ZC3HC1: variants seen among roughly 807,000 people sequenced by gnomAD.
ZC3HC1 encodes the protein zinc finger C3HC-type protein 1.
A neutral mutation model predicts 61.9 loss-of-function variants in ZC3HC1; 38 were observed. That is an observed-to-expected ratio of 0.61 (90% CI 0.47 to 0.81). The LOEUF is 0.81. Among genes scored for constraint, ZC3HC1 ranks in the 30% least tolerant of loss-of-function variants. The pLI is 0.00. For synonymous variants in ZC3HC1, 213 were observed against 229.9 expected, an observed-to-expected ratio of 0.93 and a Z score of 0.67; for missense variants, 554 against 622.7, an observed-to-expected ratio of 0.89 and a Z score of 1.17.
chr7:130,026,101 T>C (rs112312542), intron 6 of ZC3HC1, 57 bp downstream of exon 6: 1 of 1,547,250 alleles, frequency 6.5e-7, no homozygotes, highest in South Asian at 1.2e-5. Flanking sequence ...GACTGATATA[T>C]ATGGGTGTAA....
intron 2 of ZC3HC1, among the ~76,000 whole-genome samples, chr7:130,048,278 T>C (rs1032050191): frequency 6.6e-6 from 1 of 151,470 alleles, no homozygotes; most frequent in Non-Finnish European, 1.5e-5. Flanking sequence ...GACTCCTGAG[T>C]AGCTGGGATT....
rs1409339819 is a variant in ZC3HC1 at position 130,039,466 on chromosome 7, G to T, written c.491C>A (p.Pro164Gln). The T allele has an allele frequency of 6.2e-7, 1 of 1,610,800 alleles. No homozygotes were observed. The highest frequency in any genetic ancestry group is 1.7e-5 in the Admixed American group (1 of 59,212). Residue 164 changes from proline (P) to glutamine (Q), a missense_variant and splice_region_variant, in exon 4 of 10, where the codon CCA becomes CAA. Coordinates refer to ENST00000358303, the MANE Select transcript of ZC3HC1 (RefSeq NM_016478.5). Reference sequence around the variant, plus strand: ...CAGGAATTCTCAAAAATAAGTACCTGGGGATGGGCTGTCTGGCCAGAAACA... The same window carrying T: ...CAGGAATTCTCAAAAATAAGTACCTTGGGATGGGCTGTCTGGCCAGAAACA... ...KFCFWPDSPS[P>Q]DRFGMLPLDE...
chr7:130,028,741 T>C (rs796854419), intron 5 of ZC3HC1, among the ~76,000 whole-genome samples, 161 bp downstream of exon 5: 159 of 152,272 alleles, frequency 1.0e-3, no homozygotes, highest in African/African-American at 3.6e-3. Flanking sequence ...AATGGAACTC[T>C]CAACTGTCAC....
chr7:130,020,644 G>A (rs1272141480), intron 9 of ZC3HC1, among the ~76,000 whole-genome samples: 1 of 151,804 alleles, frequency 6.6e-6, no homozygotes, highest in East Asian at 1.9e-4. Context: ...CACAGCAGCT[G>A]TCAGAAGGTT....
At chr7:130,019,225 T>G (rs1377132550) in intron 9 of ZC3HC1, among the ~76,000 whole-genome samples, 4 of 152,086 alleles carry the variant, frequency 2.6e-5, no homozygotes, top group Non-Finnish European at 5.9e-5. Context: ...ATTTTTTGTA[T>G]TTTTAGTAGA....
chr7:130,051,121 C>G (rs932466340), intron 1 of ZC3HC1, 100 bp downstream of exon 1: 15 of 1,452,420 alleles, frequency 1.0e-5, no homozygotes, highest in Middle Eastern at 1.8e-4. Flanking sequence ...CCCCACTGCC[C>G]GAGTCGCCGA....
intron 4 of ZC3HC1, chr7:130,036,982 G>C (rs1163721322): frequency 1.3e-5 from 2 of 152,198 alleles, no homozygotes; most frequent in African/African-American, 4.8e-5. Flanking sequence ...ATATTAAGTG[G>C]AAATGTTTAG....
At chr7:130,043,062 G>T (rs954814814) in intron 2 of ZC3HC1, among the ~76,000 whole-genome samples, 7 of 152,130 alleles carry the variant, frequency 4.6e-5, no homozygotes, top group African/African-American at 1.4e-4. Flanking sequence ...GATCACTTGA[G>T]GTCAGGAGTT....
chr7:130,044,963 G>C (rs1018675195), intron 2 of ZC3HC1, among the ~76,000 whole-genome samples: 13 of 152,162 alleles, frequency 8.5e-5, no homozygotes, highest in African/African-American at 3.1e-4. Context: ...AGAAAAAACT[G>C]AGGAAATGTT....
intron 6 of ZC3HC1, among the ~76,000 whole-genome samples, chr7:130,025,059 C>T (rs991166315): frequency 9.3e-5 from 14 of 151,316 alleles, no homozygotes; most frequent in Admixed American, 2.0e-4. Flanking sequence ...GCACCCGCCA[C>T]CATGCCCGGC....
chr7:130,046,707 A>G (rs1794878180), intron 2 of ZC3HC1, among the ~76,000 whole-genome samples: 1 of 152,220 alleles, frequency 6.6e-6, no homozygotes, highest in African/African-American at 2.4e-5. Flanking sequence ...AAATAAACTT[A>G]TGACATAACG....
chr7:130,045,653 G>C (rs1398157581), intron 2 of ZC3HC1, among the ~76,000 whole-genome samples: 4 of 152,056 alleles, frequency 2.6e-5, no homozygotes, highest in African/African-American at 4.8e-5. Flanking sequence ...TGTAATCCCA[G>C]CACTTTGGGA....
At chr7:130,031,669 A>G (rs538986137) in intron 4 of ZC3HC1, among the ~76,000 whole-genome samples, 1 of 152,312 alleles carries the variant, frequency 6.6e-6, no homozygotes, top group South Asian at 2.1e-4. Flanking sequence ...GCTCTGACAT[A>G]TTCCCTGGAA....
At chr7:130,049,939 C>A (rs1190602299) in intron 1 of ZC3HC1, among the ~76,000 whole-genome samples, 1 of 150,220 alleles carries the variant, frequency 6.7e-6, no homozygotes, top group Non-Finnish European at 1.5e-5. Context: ...AAAAAAAGAA[C>A]CAATTAGAAA....
chr7:130,023,400 T>C lies in ZC3HC1; in HGVS notation c.1233+111A>G. 1 of 1,018,824 alleles carries C rather than the reference T, an allele frequency of 9.8e-7. No individual in the cohort carries two copies. The highest frequency in any genetic ancestry group is 1.6e-5 in the South Asian group (1 of 64,354). 63.1% of individuals were successfully genotyped at this position (1,018,824 alleles called of 1,614,324 possible). A position where few individuals can be genotyped will look rare whatever the true frequency, so the allele number is the denominator to read the frequency against. On this transcript the variant is annotated intron_variant, in intron 8 of 9. Transcript: ENST00000358303. This position sits in a 1 kb window ranked among gnomAD's most constrained non-coding sequence, Gnocchi z 4.2. ...CAACTTTAAATTTATTCACATGGTC[T>C]ACTTTTTGCATTGGACCACGGAAGG... is the stretch of plus-strand genomic sequence containing the variant.
Position 130,039,565 on chromosome 7 carries a change from A to T in ZC3HC1, c.410-18T>A. The T allele has an allele frequency of 6.3e-7, 1 of 1,598,524 alleles. No individual in the cohort carries two copies. Among genetic ancestry groups the T allele is most frequent in the Non-Finnish European group, 8.5e-7 (1 of 1,173,248 alleles). ...TTGCTTATCTGAAATCCACATAAAC[A>T]GCAACACCTTAAAAAACACTATATA... is the stretch of plus-strand genomic sequence containing the variant. On this transcript the variant is annotated intron_variant, in intron 3 of 9. Transcript: ENST00000358303.
intron 2 of ZC3HC1, among the ~76,000 whole-genome samples, chr7:130,042,497 C>G (rs1277246190): frequency 6.6e-6 from 1 of 151,974 alleles, no homozygotes; most frequent in African/African-American, 2.4e-5. Context: ...CCTACTGTAC[C>G]CCATCCATTT....
At chr7:130,038,859 C>CAAAAAAA (rs368582060) in intron 4 of ZC3HC1, among the ~76,000 whole-genome samples, 2 of 86,554 alleles carry the variant, frequency 2.3e-5, no homozygotes, top group African/African-American at 4.9e-5. Flanking sequence ...GGCTCTGTCT[C>CAAAAAAA]AAAAAAAAAA....
chr7:130,025,484 T>C (rs1793857489), intron 6 of ZC3HC1, among the ~76,000 whole-genome samples: 2 of 151,766 alleles, frequency 1.3e-5, no homozygotes, highest in African/African-American at 4.8e-5. Flanking sequence ...TTTCTAAAAA[T>C]AGAAAAGAAC....
Sources: gnomAD v4.1 joint callset for allele counts (sites outside exome capture counted in the v4.1 genomes callset) on GRCh38, gnomAD v4.1.1 for gene constraint, Gnocchi (gnomAD v3.1) non-coding constraint, MANE v1.5 for transcripts, NCBI Gene and HGNC (gene_info 2026-07-23, HGNC 2026-07-21) for gene names.